Variants in KLRB1 observed in about 807,000 individuals in gnomAD.
The protein encoded by KLRB1 is killer cell lectin like receptor B1, also known as killer cell lectin-like receptor subfamily B member 1.
In KLRB1, 27 loss-of-function variants were observed where a neutral mutation model predicts 33.5. The observed-to-expected ratio is 0.81, with a 90% CI of 0.59 to 1.11. The LOEUF is 1.11. Among genes scored for constraint, KLRB1 ranks in the 50% most tolerant of loss-of-function variants. The probability of loss-of-function intolerance (pLI) is 0.00; values close to 1 mark genes in which losing one functional copy is unlikely to be tolerated. For missense variants in KLRB1, 241 were observed against 254.1 expected, an observed-to-expected ratio of 0.95 and a Z score of 0.35; for synonymous variants, 64 against 88.9, an observed-to-expected ratio of 0.72 and a Z score of 1.58.
chr12:9,600,320 G>T (rs1028910118), intron 2 of KLRB1, among the ~76,000 whole-genome samples: 1 of 152,054 alleles, frequency 6.6e-6, no homozygotes, highest in African/African-American at 2.4e-5. Flanking sequence ...ATAATACCCC[G>T]TGATGACTCT....
intron 1 of KLRB1, among the ~76,000 whole-genome samples, chr12:9,602,360 C>T (rs1178568257): frequency 5.3e-5 from 8 of 151,910 alleles, no homozygotes; most frequent in South Asian, 4.2e-4. Context: ...ATAAATTAAT[C>T]GCAACTTTAT....
intron 5 of KLRB1, among the ~76,000 whole-genome samples, chr12:9,597,704 T>C (rs1019154602): frequency 6.6e-6 from 1 of 152,168 alleles, no homozygotes; most frequent in Admixed American, 6.6e-5. Flanking sequence ...AATGTATATT[T>C]TCCCACAGTT....
At chr12:9,600,973 C>T (rs1171059873) in intron 2 of KLRB1, among the ~76,000 whole-genome samples, 2 of 149,698 alleles carry the variant, frequency 1.3e-5, no homozygotes, top group Non-Finnish European at 3.0e-5. Context: ...TCCTGCCTGT[C>T]CCTGGGCAAT....
At chr12:9,606,646 C>T (rs1030078853) in intron 1 of KLRB1, among the ~76,000 whole-genome samples, 3 of 86,276 alleles carry the variant, frequency 3.5e-5, no homozygotes, top group Non-Finnish European at 7.1e-5. Context: ...TAAGCCTACA[C>T]TTTATATATA....
intron 1 of KLRB1, among the ~76,000 whole-genome samples, chr12:9,605,349 A>T (rs1192994436): frequency 1.3e-5 from 2 of 152,190 alleles, no homozygotes; most frequent in Admixed American, 6.5e-5. Flanking sequence ...TTGAGTATAT[A>T]CCCAGTAGTG....
chr12:9,599,799 A>G lies in KLRB1; in HGVS notation c.227T>C (p.Val76Ala), dbSNP rs915362846. 18 of 1,606,592 alleles carry G rather than the reference A, an allele frequency of 1.1e-5. No individual in the cohort carries two copies. The African/African-American group carries it at 2.4e-4, about 21-fold the overall frequency. Residue 76 changes from valine to alanine, a missense_variant, in exon 3 of 6, where the codon GTG becomes GCG. Physicochemically the swap from Val to Ala is moderately conservative, Grantham distance 64. Transcript: ENST00000229402. ...IQKSSIEKCS[V>A]DIQQSRNKTT... is the part of the protein sequence containing the mutation. ...TTTATTCCTGCTCTGTTGAATGTCCACACTGCATTTTTCTATTGATGATTT... is the reference window on the plus strand; with the variant it reads ...TTTATTCCTGCTCTGTTGAATGTCCGCACTGCATTTTTCTATTGATGATTT...
intron 1 of KLRB1, among the ~76,000 whole-genome samples, chr12:9,603,251 C>T (rs928573005): frequency 5.3e-5 from 8 of 152,088 alleles, no homozygotes; most frequent in Non-Finnish European, 1.2e-4. Context: ...TGTCTACATG[C>T]AGTCAATAAG....
At position 9,601,549 on chromosome 12, in the gene KLRB1, C is replaced by T. The variant is rs1192610264; in HGVS notation, c.136G>A (p.Ala46Thr). The T allele has an allele frequency of 1.9e-6, 3 of 1,613,942 alleles. No individual in the cohort carries two copies. Among genetic ancestry groups the T allele is most frequent in the East Asian group, 2.2e-5 (1 of 44,884 alleles). Residue 46 changes from alanine (A) to threonine (T), a missense_variant, in exon 2 of 6, where the codon GCT becomes ACT. Coordinates refer to ENST00000229402, the MANE Select transcript of KLRB1 (RefSeq NM_002258.3). ...WHQFALKLSC[A>T]GIILLVLVVT... ...ACCAAGACAAGGAGAATAATCCCAGCACAGCTAAGTTTCAGGGCAAATTGA... is the reference window on the plus strand; with the variant it reads ...ACCAAGACAAGGAGAATAATCCCAGTACAGCTAAGTTTCAGGGCAAATTGA...
intron 3 of KLRB1, among the ~76,000 whole-genome samples, chr12:9,599,239 G>A (rs1054943560): frequency 6.6e-6 from 1 of 152,140 alleles, no homozygotes; most frequent in Non-Finnish European, 1.5e-5. Context: ...AGGACTTTCA[G>A]GTTTTCTTAA....
chr12:9,598,945 C>A (rs181278715), intron 3 of KLRB1, among the ~76,000 whole-genome samples: 2 of 152,226 alleles, frequency 1.3e-5, no homozygotes, highest in East Asian at 3.9e-4. Flanking sequence ...CATTTTAAGA[C>A]AGTGAGAGAC....
chr12:9,607,415 T>TTTCTTTTCTTTTTG lies in KLRB1; in HGVS notation c.85+339_85+340insCAAAAAGAAAAGAA, dbSNP rs143585761. ...TTCTTTCTTTCTTTCTTTTCTTTCT[T>TTTCTTTTCTTTTTG]TCTTTCTTTCTTCCTTCTTTCCATC... is the stretch of plus-strand genomic sequence containing the variant. On this transcript the variant is annotated intron_variant, in intron 1 of 5. Transcript: ENST00000229402. 4.4e-3 allele frequency among the ~76,000 whole-genome samples: 443 copies of TTTCTTTTCTTTTTG among 101,376 alleles called. 7 individuals carry two copies. The highest frequency in any genetic ancestry group is 0.011 in the Middle Eastern group (2 of 180). 66.5% of individuals were successfully genotyped at this position (101,376 alleles called of 152,430 possible).
At chr12:9,602,674 A>G (rs1044266854) in intron 1 of KLRB1, among the ~76,000 whole-genome samples, 1 of 152,036 alleles carries the variant, frequency 6.6e-6, no homozygotes, top group Non-Finnish European at 1.5e-5. Flanking sequence ...GCTTTTATGA[A>G]TAAAGGCTTT....
intron 3 of KLRB1, 45 bp from the exon 4 acceptor site, chr12:9,598,698 C>A: frequency 6.9e-7 from 1 of 1,448,868 alleles, no homozygotes; most frequent in Non-Finnish European, 9.6e-7. Flanking sequence ...ATATTTCTAA[C>A]CTATCCCTGA....
At chr12:9,600,113 G>A (rs1259315658) in intron 2 of KLRB1, among the ~76,000 whole-genome samples, 4 of 152,172 alleles carry the variant, frequency 2.6e-5, no homozygotes, top group Non-Finnish European at 5.9e-5. Flanking sequence ...GATTACTTAA[G>A]CTCTTAAATT....
At chr12:9,598,694 C>T in intron 3 of KLRB1, 41 bp from the exon 4 acceptor site, 1 of 1,490,204 alleles carries the variant, frequency 6.7e-7, no homozygotes, top group Non-Finnish European at 9.2e-7. Context: ...TGTTATATTT[C>T]TAACCTATCC....
chr12:9,601,577 C>G lies in KLRB1; in HGVS notation c.108G>C (p.Trp36Cys). ...LPRDVCQGSP[W>C]HQFALKLSCA... ...AGCTAAGTTTCAGGGCAAATTGATG[C>G]CAAGGTGAACCCTGACAGACATCTG... is the stretch of plus-strand genomic sequence containing the variant. Residue 36 changes from tryptophan to cysteine, a missense_variant, in exon 2 of 6, where the codon TGG becomes TGC. Transcript: ENST00000229402. 6.2e-7 allele frequency: 1 copy of G among 1,612,294 alleles called. No individual in the cohort carries two copies. Among genetic ancestry groups the G allele is most frequent in the Non-Finnish European group, 8.5e-7 (1 of 1,178,554 alleles).
rs1340318886 is a variant in KLRB1, at chr12:9,607,331, CT to C, written c.85+423del. Among the ~76,000 whole-genome samples the C allele has an allele frequency of 1.7e-3, 74 of 42,820 alleles. 7 individuals are homozygous for C. The highest frequency in any genetic ancestry group is 3.6e-3 in the African/African-American group (61 of 17,158). 28.1% of individuals were successfully genotyped at this position (42,820 alleles called of 152,430 possible). A position where few individuals can be genotyped will look rare whatever the true frequency, so the allele number is the denominator to read the frequency against. ...TTTCTTTCTTCTTTTCTTTCTCTTT[CT>C]TTCCTTTCTTTCTTTCTTTCTTCCT... On this transcript the variant is annotated intron_variant, in intron 1 of 5. Transcript: ENST00000229402.
intron 1 of KLRB1, among the ~76,000 whole-genome samples, chr12:9,606,756 A>ATTTTTTTTTTTTTTTTTTTT (rs1188705968): frequency 6.3e-5 from 2 of 31,538 alleles, no homozygotes; most frequent in Non-Finnish European, 1.1e-4. Context: ...ATATATATAT[A>ATTTTTTTTTTTTTTTTTTTT]TATATTTTTT....
intron 1 of KLRB1, among the ~76,000 whole-genome samples, chr12:9,604,928 T>G (rs932461685): frequency 1.3e-5 from 2 of 152,158 alleles, no homozygotes; most frequent in Admixed American, 1.3e-4. Context: ...CATGTTGGTT[T>G]GTTGCACCCG....
Sources: allele counts gnomAD v4.1 joint callset (sites outside exome capture counted in the v4.1 genomes callset), GRCh38; gene constraint gnomAD v4.1.1; transcripts MANE v1.5; gene names NCBI Gene and HGNC (gene_info 2026-07-23, HGNC 2026-07-21).